PTPRD: variants seen among roughly 807,000 people sequenced by gnomAD.
The protein encoded by PTPRD is receptor-type tyrosine-protein phosphatase delta.
PTPRD carries 34 observed loss-of-function variants against 214.5 expected under a neutral mutation model. The observed-to-expected ratio is 0.16, with a 90% confidence interval of 0.12 to 0.21. The LOEUF is 0.21. Ranked by LOEUF, PTPRD falls within the 10% of genes least tolerant of loss-of-function variation. The pLI is 1.00. For synonymous variants in PTPRD, 1,128 were observed against 845.7 expected (o/e 1.33, Z -5.79); for missense variants, 2,545 against 2,398.7 (o/e 1.06, Z -1.27).
chr9:8,629,521 T>G lies in PTPRD; in HGVS notation c.352+3796A>C, dbSNP rs138253733. Among the ~76,000 whole-genome samples the G allele has an allele frequency of 1.3e-3, 204 of 151,954 alleles. 2 individuals carry two copies. The highest frequency in any genetic ancestry group is 4.8e-3 in the African/African-American group (198 of 41,522). The stretch of plus-strand genomic sequence containing the variant: ...TCTTACAACACTCTCTCTGGTCCTA[T>G]GCTTGCTCTTCACTGAAAGCCTGAT... On this transcript the variant is annotated intron_variant, in intron 14 of 45. Coordinates refer to ENST00000381196, the MANE Select transcript of PTPRD (RefSeq NM_002839.4).
chr9:10,148,652 T>G (rs1373195882), intron 3 of PTPRD, among the ~76,000 whole-genome samples: 1 of 152,202 alleles, frequency 6.6e-6, no homozygotes, highest in East Asian at 1.9e-4. Context: ...AAATATTATG[T>G]TGCAAAACAT....
At chr9:9,287,992 G>T (rs930277128) in intron 9 of PTPRD, among the ~76,000 whole-genome samples, 2 of 151,482 alleles carry the variant, frequency 1.3e-5, no homozygotes, top group Non-Finnish European at 2.9e-5. Context: ...TGGAAGCAAA[G>T]TGAGGCTGCC....
At chr9:10,022,802 T>A (rs560044586) in intron 4 of PTPRD, among the ~76,000 whole-genome samples, 42 of 152,230 alleles carry the variant, frequency 2.8e-4, no homozygotes, top group Middle Eastern at 3.2e-3. Flanking sequence ...ATTTTAAAAA[T>A]GATTTCTTCC....
At chr9:9,462,227 T>A (rs1391767670) in intron 8 of PTPRD, among the ~76,000 whole-genome samples, 1 of 152,110 alleles carries the variant, frequency 6.6e-6, no homozygotes, top group African/African-American at 2.4e-5. Flanking sequence ...TTCAGCCACC[T>A]TTTAGGATTT....
intron 31 of PTPRD, 96 bp from the exon 32 acceptor site, chr9:8,465,771 A>C (rs1291577610): frequency 2.0e-6 from 2 of 1,017,674 alleles, no homozygotes; most frequent in Non-Finnish European, 2.9e-6. Context: ...ACTGGGAACA[A>C]CCCAAATGCA....
intron 11 of PTPRD, among the ~76,000 whole-genome samples, chr9:8,839,331 TA>T (rs2097510022): frequency 6.6e-6 from 1 of 151,994 alleles, no homozygotes; most frequent in Non-Finnish European, 1.5e-5. Flanking sequence ...TTTATTTATT[TA>T]TTTATTTATT....
At chr9:9,596,827 CAACTT>C (rs1329088622) in intron 7 of PTPRD, among the ~76,000 whole-genome samples, 2 of 151,992 alleles carry the variant, frequency 1.3e-5, no homozygotes, top group Non-Finnish European at 2.9e-5. Context: ...AATCTGCCCT[CAACTT>C]AAAATAACTT....
intron 11 of PTPRD, among the ~76,000 whole-genome samples, chr9:8,994,930 T>G (rs867229125): frequency 2.6e-5 from 4 of 152,010 alleles, no homozygotes; most frequent in Non-Finnish European, 4.4e-5. Context: ...TCTGCAACAT[T>G]TGGGGAAAAA....
At chr9:9,378,080 C>G (rs765713631) in intron 9 of PTPRD, among the ~76,000 whole-genome samples, 1 of 152,078 alleles carries the variant, frequency 6.6e-6, no homozygotes, top group East Asian at 1.9e-4. Context: ...ATTAAAACAT[C>G]GTTATCCAAA....
At chr9:10,610,399 C>G (rs2080649107) in intron 2 of PTPRD, among the ~76,000 whole-genome samples, 1 of 152,158 alleles carries the variant, frequency 6.6e-6, no homozygotes, top group African/African-American at 2.4e-5. Flanking sequence ...GTCATGTCTT[C>G]TCTACTGTGT....
chr9:9,042,914 A>G (rs548260419), intron 10 of PTPRD, among the ~76,000 whole-genome samples: 15 of 152,266 alleles, frequency 9.9e-5, no homozygotes, highest in South Asian at 6.2e-4. Flanking sequence ...CAGCAGCAGT[A>G]GTGTAAGTTG....
chr9:9,398,775 T>G (rs904072562), intron 8 of PTPRD, among the ~76,000 whole-genome samples: 1 of 151,982 alleles, frequency 6.6e-6, no homozygotes, highest in Admixed American at 6.6e-5. Context: ...AAAGTTAGTG[T>G]TTTGAGGAAC....
chr9:9,089,689 T>C (rs901203172), intron 10 of PTPRD, among the ~76,000 whole-genome samples: 3 of 152,170 alleles, frequency 2.0e-5, no homozygotes, highest in Non-Finnish European at 2.9e-5. Flanking sequence ...ACTGTTGATT[T>C]TGAGATTTTA....
At chr9:9,041,724 C>G (rs2099640462) in intron 10 of PTPRD, among the ~76,000 whole-genome samples, 2 of 152,134 alleles carry the variant, frequency 1.3e-5, no homozygotes, top group Non-Finnish European at 2.9e-5. Flanking sequence ...GAAGGCATCT[C>G]TAAAACCACC....
intron 2 of PTPRD, among the ~76,000 whole-genome samples, chr9:10,562,824 A>C (rs1322310): frequency 0.26 from 39,436 of 152,004 alleles, 5,740 homozygotes; most frequent in Non-Finnish European, 0.33. Context: ...AGCACATTGG[A>C]GACTTAGAGT....
chr9:10,010,360 TGC>T (rs144365547), intron 4 of PTPRD, among the ~76,000 whole-genome samples: 6 of 151,494 alleles, frequency 4.0e-5, no homozygotes, highest in Non-Finnish European at 8.9e-5. Context: ...TTTATATAAT[TGC>T]CTGTTTGCCT....
intron 14 of PTPRD, among the ~76,000 whole-genome samples, chr9:8,568,998 A>G (rs1181436805): frequency 6.6e-6 from 1 of 152,116 alleles, no homozygotes; most frequent in African/African-American, 2.4e-5. Flanking sequence ...TTTAAGTTCA[A>G]AAACACATCT....
intron 7 of PTPRD, among the ~76,000 whole-genome samples, chr9:9,730,033 G>T (rs570999278): frequency 2.6e-5 from 4 of 152,050 alleles, no homozygotes; most frequent in Non-Finnish European, 5.9e-5. Flanking sequence ...CTTGAAAACA[G>T]TAACATCATT....
At chr9:9,602,069 G>A (rs868343555) in intron 7 of PTPRD, among the ~76,000 whole-genome samples, 1 of 151,956 alleles carries the variant, frequency 6.6e-6, no homozygotes, top group Admixed American at 6.6e-5. Flanking sequence ...GACTCTTGAT[G>A]GAATCATGTT....
Sources: allele counts gnomAD v4.1 joint callset (sites outside exome capture counted in the v4.1 genomes callset), GRCh38; gene constraint gnomAD v4.1.1; transcripts MANE v1.5; gene names NCBI Gene and HGNC (gene_info 2026-07-23, HGNC 2026-07-21).